The following SLC5A8 variants were observed in gnomAD, a reference collection of about 807,000 sequenced individuals.
SLC5A8 encodes solute carrier family 5 member 8, also known as sodium-coupled monocarboxylate transporter 1.
A neutral mutation model predicts 71.9 loss-of-function variants in SLC5A8; 55 were observed. The ratio of observed to expected loss-of-function variants is 0.77; its 90% CI spans 0.62 to 0.96. SLC5A8 has a LOEUF of 0.96. SLC5A8 is among the 40% of genes least tolerant of loss of function. SLC5A8 has a pLI of 0.00. For missense variants in SLC5A8, 701 were observed against 745.3 expected (o/e 0.94, Z 0.69); for synonymous variants, 307 against 276.1 (o/e 1.11, Z -1.11).
At chr12:101,177,531 G>A (rs1316116836) in intron 10 of SLC5A8, among the ~76,000 whole-genome samples, 1 of 150,856 alleles carries the variant, frequency 6.6e-6, no homozygotes, top group Non-Finnish European at 1.5e-5. Flanking sequence ...CATGAACATA[G>A]ATGTAAAAAT....
At chr12:101,180,926 C>T (rs1030067558) in intron 9 of SLC5A8, among the ~76,000 whole-genome samples, 1 of 152,056 alleles carries the variant, frequency 6.6e-6, no homozygotes, top group Admixed American at 6.5e-5. Flanking sequence ...TATTGACTTT[C>T]AGTATTTTCT....
chr12:101,205,534 GACA>G (rs1233554758), intron 1 of SLC5A8, among the ~76,000 whole-genome samples: 13 of 152,154 alleles, frequency 8.5e-5, no homozygotes, highest in Non-Finnish European at 1.5e-4. Context: ...GTTTAAGGCT[GACA>G]ACAATCTTCA....
At position 101,157,057 on chromosome 12, in the gene SLC5A8, GGAAA is replaced by G. The variant is rs2051670598; in HGVS notation, c.*218_*221del. On this transcript the variant is annotated 3_prime_UTR_variant, in exon 15 of 15. Coordinates refer to ENST00000536262, the MANE Select transcript of SLC5A8 (RefSeq NM_145913.5). The stretch of plus-strand genomic sequence containing the variant: ...ACAATTATAGCTTCATCGAAATAAA[GGAAA>G]GAGAGGGAAATGTCAATGCCAGAAT... 2 of 476,740 alleles carry G rather than the reference GGAAA, an allele frequency of 4.2e-6. No homozygotes were observed. The highest frequency in any genetic ancestry group is 7.3e-6 in the Non-Finnish European group (2 of 272,592). 29.5% of individuals were successfully genotyped at this position (476,740 alleles called of 1,614,324 possible).
At chr12:101,203,626 C>T (rs1869551293) in intron 2 of SLC5A8, among the ~76,000 whole-genome samples, 1 of 152,318 alleles carries the variant, frequency 6.6e-6, no homozygotes, top group East Asian at 1.9e-4. Context: ...GGATTACAGG[C>T]ATGAGCCACC....
At chr12:101,185,489 T>A (rs1185577337) in intron 7 of SLC5A8, among the ~76,000 whole-genome samples, 1 of 152,162 alleles carries the variant, frequency 6.6e-6, no homozygotes, top group Non-Finnish European at 1.5e-5. Context: ...TAAAACTATA[T>A]CTAGAAACTG....
In SLC5A8 at chr12:101,204,585, T is replaced by A; in HGVS notation, c.352-20A>T. On this transcript the variant is annotated intron_variant, in intron 1 of 14. Coordinates refer to ENST00000536262, the MANE Select transcript of SLC5A8 (RefSeq NM_145913.5). The stretch of plus-strand genomic sequence containing the variant: ...TAAATACTGTTGCAAAAAAAAAAAT[T>A]ATGCGAATCCTCTGGATGCCTTTTT... 6.5e-7 allele frequency: 1 copy of A among 1,547,608 alleles called. No individual in the cohort carries two copies. The highest frequency in any genetic ancestry group is 2.3e-5 in the East Asian group (1 of 43,562).
intron 10 of SLC5A8, among the ~76,000 whole-genome samples, chr12:101,170,804 C>T (rs955294827): frequency 6.6e-6 from 1 of 152,102 alleles, no homozygotes; most frequent in Non-Finnish European, 1.5e-5. Flanking sequence ...AGTGGAGAAT[C>T]GGGACTTTCA....
At position 101,187,498 on chromosome 12, in the gene SLC5A8, A is replaced by G. The variant is rs371057139; in HGVS notation, c.851T>C (p.Leu284Pro). The change falls in exon 7 of 15, where the codon CTT (leucine) becomes CCT (proline). Residue 284 changes from leucine (L) to proline (P), a missense_variant. Physicochemically the swap from Leu to Pro is moderately conservative, Grantham distance 98. Coordinates refer to ENST00000536262, the MANE Select transcript of SLC5A8 (RefSeq NM_145913.5). ...FQAKLSLYIN[L>P]VGLWAILTCS... ...TGTGAGGATTGCCCAGAGTCCCACAAGATTGATGTAGAGAGACCTAAAGAA... is the reference window on the plus strand; with the variant it reads ...TGTGAGGATTGCCCAGAGTCCCACAGGATTGATGTAGAGAGACCTAAAGAA... 1.9e-6 allele frequency: 3 copies of G among 1,613,064 alleles called. No homozygotes were observed. The highest frequency in any genetic ancestry group is 2.5e-6 in the Non-Finnish European group (3 of 1,179,744).
chr12:101,204,255 T>C (rs1869582930), intron 2 of SLC5A8, among the ~76,000 whole-genome samples: 1 of 152,226 alleles, frequency 6.6e-6, no homozygotes, highest in Non-Finnish European at 1.5e-5. Flanking sequence ...TTTCCGACTG[T>C]TGCTTTATCA....
chr12:101,193,633 A>C lies in SLC5A8; in HGVS notation c.684T>G (p.Asn228Lys). 1 of 1,613,274 alleles carries C rather than the reference A, an allele frequency of 6.2e-7. No homozygotes were observed. The highest frequency in any genetic ancestry group is 8.5e-7 in the Non-Finnish European group (1 of 1,179,688). ...AAGTACTAGACACTTACTTCCAGAA[A>C]TTTAATCTTCCACCATCATAGGCAT... ...LNDAYDGGRLNFWNFNPNPLQ... is the reference protein window; with the variant it reads ...LNDAYDGGRLKFWNFNPNPLQ... Residue 228 changes from asparagine (N) to lysine (K), a missense_variant, in exon 5 of 15, where the codon AAT becomes AAG. By Grantham distance (94) the Asn-to-Lys change is moderately conservative. Coordinates refer to ENST00000536262, the MANE Select transcript of SLC5A8 (RefSeq NM_145913.5).
intron 12 of SLC5A8, 87 bp downstream of exon 12, chr12:101,166,407 G>T: frequency 8.7e-7 from 1 of 1,145,992 alleles, no homozygotes; most frequent in Non-Finnish European, 1.2e-6. Context: ...AAATCACAGT[G>T]TTGTAAGCAA....
chr12:101,180,930 A>G lies in SLC5A8; in HGVS notation c.1166-834T>C, dbSNP rs558512561. On this transcript the variant is annotated intron_variant, in intron 9 of 14. Coordinates refer to ENST00000536262, the MANE Select transcript of SLC5A8 (RefSeq NM_145913.5). ...ATATTTTTTTCTATTGACTTTCAGTATTTTCTAAATTTTCTCCAGGTACAT... is the reference window on the plus strand; with the variant it reads ...ATATTTTTTTCTATTGACTTTCAGTGTTTTCTAAATTTTCTCCAGGTACAT... Among the ~76,000 whole-genome samples the G allele has an allele frequency of 3.3e-5, 5 of 152,216 alleles. No individual in the cohort carries two copies. The South Asian group carries it at 8.3e-4, about 25-fold the overall frequency.
intron 5 of SLC5A8, among the ~76,000 whole-genome samples, chr12:101,191,987 C>T (rs1195387422): frequency 6.6e-6 from 1 of 151,946 alleles, no homozygotes; most frequent in Non-Finnish European, 1.5e-5. Flanking sequence ...GGTTCCATAC[C>T]CTCTCTCCTC....
At chr12:101,187,617 A>C in intron 6 of SLC5A8, 102 bp from the exon 7 acceptor site, 1 of 1,216,562 alleles carries the variant, frequency 8.2e-7, no homozygotes, top group African/African-American at 1.6e-5. Context: ...GATTAGACTC[A>C]ATAAATGTAC....
chr12:101,158,590 C>CTATA (rs2051693382), intron 13 of SLC5A8, among the ~76,000 whole-genome samples: 16 of 31,524 alleles, frequency 5.1e-4, no homozygotes, highest in African/African-American at 5.7e-4. Context: ...CTCTCTCTCT[C>CTATA]TCTCTCTCTA....
rs918267448 is a variant in SLC5A8, at chr12:101,166,518, A to T, written c.1502T>A (p.Val501Asp). ...CCTTTGAACATTGTATATTTGAAAAACACTAGTAGTAAATGGCATTTCTGT... is the reference window on the plus strand; with the variant it reads ...CCTTTGAACATTGTATATTTGAAAATCACTAGTAGTAAATGGCATTTCTGT... ...TTTEMPFTTSVFQIYNVQRTP... is the reference protein window; with the variant it reads ...TTTEMPFTTSDFQIYNVQRTP... Residue 501 changes from valine to aspartate, a missense_variant, in exon 12 of 15, where the codon GTT becomes GAT. Val to Asp is a radical substitution (Grantham distance 152). Transcript: ENST00000536262. 6.2e-7 allele frequency: 1 copy of T among 1,613,316 alleles called. No individual in the cohort carries two copies.
intron 14 of SLC5A8, 86 bp from the exon 15 acceptor site, chr12:101,157,487 T>A: frequency 3.4e-6 from 5 of 1,450,796 alleles, no homozygotes; most frequent in Non-Finnish European, 4.6e-6. Flanking sequence ...TCTACTATTT[T>A]TATTTCTCTG....
chr12:101,166,360 C>T, intron 12 of SLC5A8, 134 bp downstream of exon 12: 1 of 654,596 alleles, frequency 1.5e-6, no homozygotes, highest in East Asian at 2.9e-5. Flanking sequence ...AATACTATAG[C>T]TAACCACATG....
At chr12:101,207,633 C>T (rs1869728469) in intron 1 of SLC5A8, among the ~76,000 whole-genome samples, 1 of 152,118 alleles carries the variant, frequency 6.6e-6, no homozygotes, top group Non-Finnish European at 1.5e-5. Context: ...CTGAAGTCCT[C>T]CTGCCAGATT....
Sources: gnomAD v4.1 joint callset for allele counts (sites outside exome capture counted in the v4.1 genomes callset) on GRCh38, gnomAD v4.1.1 for gene constraint, MANE v1.5 for transcripts, NCBI Gene and HGNC (gene_info 2026-07-23, HGNC 2026-07-21) for gene names.